Variants in DCN observed in about 807,000 individuals in gnomAD.
DCN encodes bone proteoglycan II.
DCN carries 17 observed loss-of-function variants against 36.5 expected under a neutral mutation model. The ratio of observed to expected loss-of-function variants is 0.47; its 90% CI spans 0.32 to 0.70. DCN has a LOEUF of 0.70. Among genes scored for constraint, DCN ranks in the 30% least tolerant of loss-of-function variants. The probability of loss-of-function intolerance (pLI) is 0.04; values close to 1 mark genes in which losing one functional copy is unlikely to be tolerated. For missense variants in DCN, 389 were observed against 430.1 expected (o/e 0.90, Z 0.84); for synonymous variants, 163 against 161.4 (o/e 1.01, Z -0.07).
At chr12:91,146,420 G>A (rs563138486) in intron 7 of DCN, among the ~76,000 whole-genome samples, 168 bp from the exon 8 acceptor site, 1 of 127,666 alleles carries the variant, frequency 7.8e-6, no homozygotes, top group South Asian at 2.5e-4. Context: ...GCAGTGGCAT[G>A]ACCTCAGTGC....
intron 2 of DCN, among the ~76,000 whole-genome samples, chr12:91,165,391 A>G (rs1183932547): frequency 2.0e-5 from 3 of 152,190 alleles, no homozygotes; most frequent in East Asian, 1.9e-4. Context: ...TTTATGAAGC[A>G]TTACTTTTGG....
intron 5 of DCN, among the ~76,000 whole-genome samples, chr12:91,154,002 T>G (rs529812543): frequency 6.6e-6 from 1 of 152,252 alleles, no homozygotes; most frequent in African/African-American, 2.4e-5. Context: ...AAATAACATA[T>G]TGTTCCACTT....
Position 91,142,622 on chromosome 12 carries a change from A to G in DCN, c.*3436T>C, listed in dbSNP as rs1231305883. Reference sequence around the variant, plus strand: ...ATTGCCAGATCAAAGTCTTTGAAGAAAAATGCTTTAAAAGATCATGAATAC... The same window carrying G: ...ATTGCCAGATCAAAGTCTTTGAAGAGAAATGCTTTAAAAGATCATGAATAC... On this transcript the variant is annotated 3_prime_UTR_variant, in exon 8 of 8. Transcript: ENST00000052754. 6.6e-6 allele frequency: 1 copy of G among 152,200 alleles called. No homozygotes were observed. The highest frequency in any genetic ancestry group is 1.5e-5 in the Non-Finnish European group (1 of 68,036). 9.4% of individuals were successfully genotyped at this position (152,200 alleles called of 1,614,324 possible).
chr12:91,169,109 T>G (rs923197073), intron 2 of DCN, among the ~76,000 whole-genome samples: 1 of 152,188 alleles, frequency 6.6e-6, no homozygotes. Context: ...AGTTAAGAGA[T>G]GTTTTAGCTG....
chr12:91,174,005 G>A (rs1883140190), intron 2 of DCN, among the ~76,000 whole-genome samples: 1 of 152,092 alleles, frequency 6.6e-6, no homozygotes, highest in Non-Finnish European at 1.5e-5. Flanking sequence ...TACATTATTA[G>A]AAACCAGTAG....
At chr12:91,176,470 A>G (rs1254651072) in intron 2 of DCN, 1 of 152,140 alleles carries the variant, frequency 6.6e-6, no homozygotes, top group Non-Finnish European at 1.5e-5. Flanking sequence ...AAAGATCCCA[A>G]GTCAGTGAAC....
chr12:91,156,911 G>T (rs1881814349), intron 5 of DCN, among the ~76,000 whole-genome samples, 164 bp downstream of exon 5: 1 of 151,972 alleles, frequency 6.6e-6, no homozygotes, highest in East Asian at 1.9e-4. Context: ...TAGAGAATTT[G>T]CTGGAAATAT....
chr12:91,166,250 T>C (rs1239666284), intron 2 of DCN, among the ~76,000 whole-genome samples: 1 of 152,174 alleles, frequency 6.6e-6, no homozygotes, highest in Non-Finnish European at 1.5e-5. Context: ...TACATAAATA[T>C]GTTACATAAA....
intron 2 of DCN, chr12:91,177,466 T>G: frequency 1.5e-6 from 1 of 648,138 alleles, no homozygotes; most frequent in Non-Finnish European, 2.8e-6. Context: ...TTTTTTCTTT[T>G]CATCTCCAGT....
At chr12:91,174,723 G>A (rs556055324) in intron 2 of DCN, among the ~76,000 whole-genome samples, 5 of 152,234 alleles carry the variant, frequency 3.3e-5, no homozygotes, top group Admixed American at 3.3e-4. Flanking sequence ...GTGTTTAACT[G>A]CACAGCCCAA....
chr12:91,151,568 G>C (rs1283539728), intron 7 of DCN, 86 bp downstream of exon 7: 1 of 1,517,528 alleles, frequency 6.6e-7, no homozygotes, highest in Non-Finnish European at 9.1e-7. Context: ...CTTCTAAGAA[G>C]AGCTTCCTGC....
intron 2 of DCN, among the ~76,000 whole-genome samples, chr12:91,167,668 T>C (rs1179593239): frequency 2.0e-5 from 3 of 152,178 alleles, no homozygotes; most frequent in Non-Finnish European, 2.9e-5. Flanking sequence ...ATTTTACTTA[T>C]CCCAGAAATC....
At chr12:91,153,035 A>G (rs1039813030) in intron 6 of DCN, 61 bp downstream of exon 6, 14 of 872,848 alleles carry the variant, frequency 1.6e-5, no homozygotes, top group Non-Finnish European at 2.4e-5. Context: ...AATTCTTATC[A>G]TATAAGCACT....
chr12:91,162,252 T>G (rs1882208681), intron 3 of DCN, among the ~76,000 whole-genome samples: 2 of 152,202 alleles, frequency 1.3e-5, no homozygotes, highest in Admixed American at 1.3e-4. Flanking sequence ...CTGCATTTTT[T>G]AAAATGGTTC....
intron 7 of DCN, among the ~76,000 whole-genome samples, chr12:91,146,515 C>T (rs1881036178): frequency 6.6e-6 from 1 of 151,732 alleles, no homozygotes; most frequent in Admixed American, 6.6e-5. Context: ...CACACCATGC[C>T]CGGCTAATTT....
intron 7 of DCN, among the ~76,000 whole-genome samples, chr12:91,147,460 T>A (rs183518598): frequency 5.1e-4 from 78 of 152,322 alleles, no homozygotes; most frequent in African/African-American, 1.8e-3. Flanking sequence ...GTTTCTCTCC[T>A]CTAGAGTAAA....
intron 2 of DCN, among the ~76,000 whole-genome samples, chr12:91,166,072 C>T (rs1392858396): frequency 2.0e-5 from 3 of 152,126 alleles, no homozygotes; most frequent in African/African-American, 7.2e-5. Context: ...ATGAAAGTTA[C>T]AGAAAACGTA....
At chr12:91,174,601 T>A (rs970254999) in intron 2 of DCN, among the ~76,000 whole-genome samples, 1 of 152,122 alleles carries the variant, frequency 6.6e-6, no homozygotes, top group Non-Finnish European at 1.5e-5. Context: ...TATATTTTTC[T>A]ATTCTTACCC....
chr12:91,163,515 T>C (rs516115), intron 3 of DCN, among the ~76,000 whole-genome samples: 57,123 of 151,988 alleles, frequency 0.38, 12,919 homozygotes, highest in African/African-American at 0.63. Context: ...GACTGGGTGC[T>C]TCACAGTGCC....
Sources: gnomAD v4.1 joint callset for allele counts (sites outside exome capture counted in the v4.1 genomes callset) on GRCh38, gnomAD v4.1.1 for gene constraint, MANE v1.5 for transcripts, NCBI Gene and HGNC (gene_info 2026-07-23, HGNC 2026-07-21) for gene names.